The following CABCOCO1 variants were observed in gnomAD, a reference collection of about 807,000 sequenced individuals.
CABCOCO1 encodes ciliary-associated calcium-binding coiled-coil protein 1.
Under a neutral mutation model 35.7 loss-of-function variants are expected in CABCOCO1, and 28 were observed. That is an observed-to-expected ratio of 0.78 (90% confidence interval 0.58 to 1.07). The LOEUF (loss-of-function observed/expected upper bound fraction) is 1.07, where lower values mean the gene tolerates loss of function less well. CABCOCO1 is among the 50% of genes least tolerant of loss of function. CABCOCO1 has a pLI of 0.00. For missense variants in CABCOCO1, 326 were observed against 309.2 expected, an observed-to-expected ratio of 1.05 and a Z score of -0.41; for synonymous variants, 95 against 100.1, an observed-to-expected ratio of 0.95 and a Z score of 0.30.
At chr10:61,702,404 G>A (rs12777213) in intron 5 of CABCOCO1, among the ~76,000 whole-genome samples, 17,590 of 152,112 alleles carry the variant, frequency 0.12, 1,325 homozygotes, top group African/African-American at 0.19. Context: ...CTAATAGAAT[G>A]ACAAAGTGGA....
At chr10:61,712,863 T>C (rs1217373309) in intron 5 of CABCOCO1, among the ~76,000 whole-genome samples, 2 of 152,204 alleles carry the variant, frequency 1.3e-5, no homozygotes, top group African/African-American at 2.4e-5. Flanking sequence ...CACTGGTCTA[T>C]ATCTCTGTTT....
intron 3 of CABCOCO1, among the ~76,000 whole-genome samples, chr10:61,682,889 C>CTTTTTCTT (rs554109672): frequency 1.6e-4 from 20 of 128,198 alleles, no homozygotes; most frequent in South Asian, 5.0e-4. Flanking sequence ...ACATGAATTT[C>CTTTTTCTT]TTTTTTTTTT....
rs1470911941 is a variant in CABCOCO1 at position 61,719,314 on chromosome 10, T to C, written c.552+28693T>C. On this transcript the variant is annotated intron_variant, in intron 5 of 7. Transcript: ENST00000648843. ...AACTTAAACTAAGAAAAGTTAGGCCTACTTTATAAACTCCAAAGAGCAATT... is the reference window on the plus strand; with the variant it reads ...AACTTAAACTAAGAAAAGTTAGGCCCACTTTATAAACTCCAAAGAGCAATT... Among the ~76,000 whole-genome samples, 3 of 152,210 alleles carry C rather than the reference T, an allele frequency of 2.0e-5. No homozygotes were observed. In the East Asian group the frequency reaches 5.8e-4, roughly 29 times the overall value.
intron 2 of CABCOCO1, among the ~76,000 whole-genome samples, chr10:61,677,790 GC>G (rs1300894025): frequency 6.9e-4 from 99 of 142,668 alleles, no homozygotes; most frequent in Non-Finnish European, 6.8e-4. Flanking sequence ...GTGAGAACAT[GC>G]GGTGTTTGGT....
At chr10:61,755,431 AAAGTTTGC>A (rs1841879306) in intron 5 of CABCOCO1, among the ~76,000 whole-genome samples, 4 of 152,228 alleles carry the variant, frequency 2.6e-5, no homozygotes, top group African/African-American at 9.6e-5. Flanking sequence ...AATAGTCAGG[AAAGTTTGC>A]AATCAAGTTT....
chr10:61,732,433 A>G (rs1156608298), intron 5 of CABCOCO1, among the ~76,000 whole-genome samples: 1 of 151,900 alleles, frequency 6.6e-6, no homozygotes, highest in African/African-American at 2.4e-5. Context: ...TTTTGTTTCA[A>G]TTGTAAATTC....
intron 2 of CABCOCO1, among the ~76,000 whole-genome samples, chr10:61,680,289 C>T (rs779492311): frequency 1.4e-4 from 20 of 141,844 alleles, no homozygotes; most frequent in African/African-American, 2.3e-4. Flanking sequence ...TCAGCCTGGC[C>T]GATGAAGCAA....
At chr10:61,703,985 G>A (rs1840531850) in intron 5 of CABCOCO1, among the ~76,000 whole-genome samples, 1 of 152,046 alleles carries the variant, frequency 6.6e-6, no homozygotes, top group Admixed American at 6.6e-5. Context: ...GCCAAGGTGG[G>A]CAGATAGAAC....
intron 5 of CABCOCO1, among the ~76,000 whole-genome samples, chr10:61,701,338 G>C (rs1840453439): frequency 6.6e-6 from 1 of 152,030 alleles, no homozygotes; most frequent in Non-Finnish European, 1.5e-5. Flanking sequence ...ATTTTGAACA[G>C]ATGCATTTCA....
chr10:61,681,397 T>C (rs1055780902), intron 3 of CABCOCO1, 85 bp downstream of exon 3: 8 of 1,000,314 alleles, frequency 8.0e-6, no homozygotes, highest in Non-Finnish European at 1.1e-5. Flanking sequence ...ACAGATTTTA[T>C]TGTAATTCCT....
intron 2 of CABCOCO1, among the ~76,000 whole-genome samples, chr10:61,677,811 G>GTTTTTT (rs35492889): frequency 4.5e-3 from 274 of 60,242 alleles, no homozygotes; most frequent in Non-Finnish European, 5.5e-3. Flanking sequence ...TTTTTTGGGT[G>GTTTTTT]TTTTTTTTTT....
chr10:61,746,973 T>A (rs144948254), intron 5 of CABCOCO1, among the ~76,000 whole-genome samples: 66 of 152,292 alleles, frequency 4.3e-4, no homozygotes, highest in Middle Eastern at 3.4e-3. Context: ...AGGTAATCTT[T>A]ATAAGGTAGT....
At chr10:61,676,474 C>T (rs1353863747) in intron 2 of CABCOCO1, among the ~76,000 whole-genome samples, 1 of 151,966 alleles carries the variant, frequency 6.6e-6, no homozygotes, top group African/African-American at 2.4e-5. Context: ...CCTTTTCTCA[C>T]CAAAATAAAA....
chr10:61,678,193 C>T (rs78856619), intron 2 of CABCOCO1, among the ~76,000 whole-genome samples: 17,282 of 151,964 alleles, frequency 0.11, 1,247 homozygotes, highest in East Asian at 0.18. Flanking sequence ...ATACCAGGCT[C>T]CCTCATATAT....
At position 61,682,889 on chromosome 10, in the gene CABCOCO1, C is replaced by CTTTTTTTTTTT. The variant is rs71018993; in HGVS notation, c.334+1582_334+1592dup. Among the ~76,000 whole-genome samples the CTTTTTTTTTTT allele has an allele frequency of 1.4e-4, 18 of 128,200 alleles. 2 individuals carry two copies. Among genetic ancestry groups the CTTTTTTTTTTT allele is most frequent in the East Asian group, 4.3e-4 (2 of 4,634 alleles). The allele number at this position is 128,200 out of a possible 152,430, so 84.1% of individuals were successfully genotyped here. A position where few individuals can be genotyped will look rare whatever the true frequency, so the allele number is the denominator to read the frequency against. ...CCAGGAGTTAGTTTCACATGAATTTCTTTTTTTTTTTTTTTAAGACAGATT... is the reference window on the plus strand; with the variant it reads ...CCAGGAGTTAGTTTCACATGAATTTCTTTTTTTTTTTTTTTTTTTTTTTTTTAAGACAGATT... On this transcript the variant is annotated intron_variant, in intron 3 of 7. Coordinates refer to ENST00000648843, the MANE Select transcript of CABCOCO1 (RefSeq NM_001366906.2).
At chr10:61,696,557 A>G (rs1840300965) in intron 5 of CABCOCO1, among the ~76,000 whole-genome samples, 2 of 152,052 alleles carry the variant, frequency 1.3e-5, no homozygotes, top group Non-Finnish European at 2.9e-5. Context: ...GAATGCAGTC[A>G]TGTGATTATA....
chr10:61,715,577 C>T (rs1661335987), intron 5 of CABCOCO1, among the ~76,000 whole-genome samples: 1 of 152,076 alleles, frequency 6.6e-6, no homozygotes. Flanking sequence ...GGTTATTTTG[C>T]CCGTTAATTG....
At chr10:61,754,015 G>C (rs777054142) in intron 5 of CABCOCO1, among the ~76,000 whole-genome samples, 1 of 152,048 alleles carries the variant, frequency 6.6e-6, no homozygotes, top group South Asian at 2.1e-4. Context: ...TTCAATGATG[G>C]CATTAGAAAG....
chr10:61,740,520 T>G (rs1048178305), intron 5 of CABCOCO1, among the ~76,000 whole-genome samples: 1 of 152,240 alleles, frequency 6.6e-6, no homozygotes, highest in Non-Finnish European at 1.5e-5. Flanking sequence ...AATATATTTT[T>G]GAAGACTTGG....
Sources: allele counts gnomAD v4.1 joint callset (sites outside exome capture counted in the v4.1 genomes callset), GRCh38; gene constraint gnomAD v4.1.1; transcripts MANE v1.5; gene names NCBI Gene and HGNC (gene_info 2026-07-23, HGNC 2026-07-21).